Variants in CHODL observed in about 807,000 individuals in gnomAD.
CHODL encodes chondrolectin, also known as transmembrane protein MT75.
A neutral mutation model predicts 34.5 loss-of-function variants in CHODL; 29 were observed. That is an observed-to-expected ratio of 0.84 (90% CI 0.63 to 1.15). The LOEUF (loss-of-function observed/expected upper bound fraction) is 1.15. CHODL is among the 50% of genes most tolerant of loss of function. The pLI, the probability that CHODL is intolerant of heterozygous loss-of-function variation, is 0.00. For synonymous variants in CHODL, 125 were observed against 116.1 expected (o/e 1.08, Z -0.49); for missense variants, 332 against 332.5 (o/e 1.00, Z 0.01).
chr21:17,979,100 T>G (rs535173904), intron 1 of CHODL, among the ~76,000 whole-genome samples: 8 of 152,314 alleles, frequency 5.3e-5, no homozygotes, highest in African/African-American at 1.9e-4. Context: ...AGAATATTCT[T>G]TCTTATTTAA....
chr21:18,085,886 G>A (rs2065000090), intron 2 of CHODL, among the ~76,000 whole-genome samples: 1 of 151,764 alleles, frequency 6.6e-6, no homozygotes. Flanking sequence ...TCTATGTCTG[G>A]ATTTCTGACT....
At chr21:18,115,398 C>G (rs538839627) in intron 2 of CHODL, among the ~76,000 whole-genome samples, 1 of 152,182 alleles carries the variant, frequency 6.6e-6, no homozygotes, top group Non-Finnish European at 1.5e-5. Flanking sequence ...GACTTGCATC[C>G]TCTTAGAAGA....
rs1301846943 is a variant in CHODL, at chr21:18,152,686, TC to T, written c.-44-103822del. 7.9e-5 allele frequency among the ~76,000 whole-genome samples: 12 copies of T among 152,326 alleles called. No homozygotes were observed. The East Asian group carries it at 1.9e-3, about 25-fold the overall frequency. ...TCCAACTCCAGTTTGCTAAGATGAA[TC>T]TTACATGATATAACATAACCAAGAG... On this transcript the variant is annotated intron_variant, in intron 2 of 6. Transcript: ENST00000400127.
At chr21:17,940,192 G>C (rs971131967) in intron 1 of CHODL, among the ~76,000 whole-genome samples, 3 of 152,220 alleles carry the variant, frequency 2.0e-5, no homozygotes, top group Middle Eastern at 6.8e-3. Flanking sequence ...TTCACTTCTA[G>C]ATAAAAACCC....
intron 2 of CHODL, among the ~76,000 whole-genome samples, chr21:18,206,226 G>A (rs1369036272): frequency 6.6e-6 from 1 of 152,148 alleles, no homozygotes; most frequent in Non-Finnish European, 1.5e-5. Context: ...AATGCTAAAA[G>A]TAGGGTGTTG....
rs1178456595 is a variant in CHODL, at chr21:18,086,021, G to T, written c.-45+58050G>T. Among the ~76,000 whole-genome samples the T allele has an allele frequency of 2.4e-5, 3 of 127,040 alleles. No individual in the cohort carries two copies. The Admixed American group carries it at 2.4e-4, about 10-fold the overall frequency. 83.3% of individuals were successfully genotyped at this position (127,040 alleles called of 152,430 possible). ...ACTCTGATTGTTTTATGTGATTCCAGATGTCTTGAAGACTTTGTTCTTTTT... is the reference window on the plus strand; with the variant it reads ...ACTCTGATTGTTTTATGTGATTCCATATGTCTTGAAGACTTTGTTCTTTTT... On this transcript the variant is annotated intron_variant, in intron 2 of 6. Transcript: ENST00000400127.
At chr21:18,000,793 T>A (rs1361927187) in intron 1 of CHODL, among the ~76,000 whole-genome samples, 3 of 152,330 alleles carry the variant, frequency 2.0e-5, no homozygotes, top group African/African-American at 7.2e-5. Flanking sequence ...AGCACTGTGA[T>A]AAATACTCAT....
chr21:17,980,350 A>G (rs1362919733), intron 1 of CHODL, among the ~76,000 whole-genome samples: 1 of 152,224 alleles, frequency 6.6e-6, no homozygotes, highest in Non-Finnish European at 1.5e-5. Flanking sequence ...CCTTTGATTT[A>G]GCAGTAGAAA....
chr21:18,181,185 C>T (rs1243013109), intron 2 of CHODL, among the ~76,000 whole-genome samples: 1 of 152,116 alleles, frequency 6.6e-6, no homozygotes, highest in Non-Finnish European at 1.5e-5. Context: ...TTTAACCTGG[C>T]ACAAATGAAT....
chr21:18,231,671 A>G (rs768629813), intron 2 of CHODL, among the ~76,000 whole-genome samples: 8 of 152,014 alleles, frequency 5.3e-5, no homozygotes, highest in Non-Finnish European at 1.2e-4. Flanking sequence ...CAGTATCTAC[A>G]GTAAAGTGCA....
At chr21:18,158,563 C>A (rs772748552) in intron 2 of CHODL, among the ~76,000 whole-genome samples, 1 of 152,122 alleles carries the variant, frequency 6.6e-6, no homozygotes, top group African/African-American at 2.4e-5. Context: ...TGCGGCCTGG[C>A]ACGGTGGCTC....
chr21:17,960,481 G>T (rs1374644176), intron 1 of CHODL, among the ~76,000 whole-genome samples: 1 of 152,124 alleles, frequency 6.6e-6, no homozygotes, highest in Admixed American at 6.5e-5. Context: ...ATCCGAGGAA[G>T]ATTTTTTTCA....
At chr21:18,039,416 A>T (rs552611773) in intron 2 of CHODL, among the ~76,000 whole-genome samples, 1 of 151,816 alleles carries the variant, frequency 6.6e-6, no homozygotes, top group East Asian at 1.9e-4. Flanking sequence ...TAAATCTTGT[A>T]TGAAATCTTG....
chr21:18,196,406 T>C (rs2073588513), intron 2 of CHODL, among the ~76,000 whole-genome samples: 1 of 152,218 alleles, frequency 6.6e-6, no homozygotes. Context: ...TTTTCAAAAA[T>C]GTATTTCTGT....
At chr21:18,071,667 G>A (rs780995961) in intron 2 of CHODL, among the ~76,000 whole-genome samples, 4 of 152,106 alleles carry the variant, frequency 2.6e-5, no homozygotes, top group Non-Finnish European at 4.4e-5. Context: ...ACTCCAAGGT[G>A]CAGATGGATT....
At chr21:18,181,277 C>T (rs1480380454) in intron 2 of CHODL, among the ~76,000 whole-genome samples, 4 of 152,104 alleles carry the variant, frequency 2.6e-5, no homozygotes, top group African/African-American at 4.8e-5. Context: ...TAAAAATCAC[C>T]CATTTGAAGT....
At chr21:18,061,850 G>C (rs573527581) in intron 2 of CHODL, among the ~76,000 whole-genome samples, 1 of 152,232 alleles carries the variant, frequency 6.6e-6, no homozygotes, top group Non-Finnish European at 1.5e-5. Context: ...AGGTGATTCT[G>C]TTTTATTGGT....
intron 2 of CHODL, among the ~76,000 whole-genome samples, chr21:18,110,751 C>T (rs2065338462): frequency 6.6e-6 from 1 of 152,178 alleles, no homozygotes; most frequent in African/African-American, 2.4e-5. Flanking sequence ...GTATAAATCA[C>T]AAGTCACAAT....
intron 1 of CHODL, among the ~76,000 whole-genome samples, chr21:17,940,228 CAA>C (rs1478544192): frequency 6.6e-6 from 1 of 152,052 alleles, no homozygotes. Context: ...CTATATTCAC[CAA>C]AAGATATTAC....
Sources: gnomAD v4.1 joint callset for allele counts (sites outside exome capture counted in the v4.1 genomes callset) on GRCh38, gnomAD v4.1.1 for gene constraint, MANE v1.5 for transcripts, NCBI Gene and HGNC (gene_info 2026-07-23, HGNC 2026-07-21) for gene names.